The following ATP13A4 variants were observed in gnomAD, a reference collection of about 807,000 sequenced individuals.
ATP13A4 encodes probable cation-transporting ATPase 13A4.
A neutral mutation model predicts 142.5 loss-of-function variants in ATP13A4; 114 were observed. That is an observed-to-expected ratio of 0.80 (90% CI 0.69 to 0.93). The LOEUF is 0.93. ATP13A4 is among the 40% of genes least tolerant of loss of function. The probability of loss-of-function intolerance (pLI) is 0.00; values close to 1 mark genes in which losing one functional copy is unlikely to be tolerated. For missense variants in ATP13A4, 1,392 were observed against 1,454.0 expected (o/e 0.96, Z 0.69); for synonymous variants, 488 against 514.8 (o/e 0.95, Z 0.70).
At chr3:193,408,972 T>A in intron 28 of ATP13A4, among the ~76,000 whole-genome samples, 1 of 152,202 alleles carries the variant, frequency 6.6e-6, no homozygotes, top group Non-Finnish European at 1.5e-5. Context: ...TTTCTACTGT[T>A]TATGTAAAAA....
At chr3:193,439,884 T>C (rs1716520120) in intron 21 of ATP13A4, among the ~76,000 whole-genome samples, 1 of 152,098 alleles carries the variant, frequency 6.6e-6, no homozygotes, top group Non-Finnish European at 1.5e-5. Flanking sequence ...ATCAAATGAA[T>C]AGGAGGGCAG....
At chr3:193,469,067 T>C (rs1022205546) in intron 9 of ATP13A4, among the ~76,000 whole-genome samples, 1 of 152,056 alleles carries the variant, frequency 6.6e-6, no homozygotes, top group East Asian at 1.9e-4. Flanking sequence ...TTATGGATGA[T>C]AATTAAAGTC....
intron 25 of ATP13A4, among the ~76,000 whole-genome samples, chr3:193,425,561 C>T (rs1029624215): frequency 4.0e-5 from 6 of 151,704 alleles, no homozygotes; most frequent in Non-Finnish European, 8.9e-5. Context: ...ATTGCAACAA[C>T]ATAGATGAAG....
At position 193,407,406 on chromosome 3, in the gene ATP13A4, G is replaced by A. The variant is rs778585602; in HGVS notation, c.3298-13C>T. 4 of 1,599,198 alleles carry A rather than the reference G, an allele frequency of 2.5e-6. No individual in the cohort carries two copies. In the African/African-American group the frequency reaches 4.0e-5, roughly 16 times the overall value. ...GAGTGCAGAGCAGCTGGCGGGAGATGATGAAGCACAGTTAGTCTGAAGACA... is the reference window on the plus strand; with the variant it reads ...GAGTGCAGAGCAGCTGGCGGGAGATAATGAAGCACAGTTAGTCTGAAGACA... On this transcript the variant is annotated splice_polypyrimidine_tract_variant and intron_variant, in intron 28 of 29. Coordinates refer to ENST00000342695, the MANE Select transcript of ATP13A4 (RefSeq NM_032279.4).
At chr3:193,428,277 A>T (rs1423381116) in intron 25 of ATP13A4, among the ~76,000 whole-genome samples, 4 of 151,258 alleles carry the variant, frequency 2.6e-5, no homozygotes, top group African/African-American at 7.4e-5. Flanking sequence ...TGATAATTAG[A>T]AAGTCAGGAA....
At chr3:193,471,036 A>G in intron 8 of ATP13A4, 43 bp from the exon 9 acceptor site, 1 of 1,612,342 alleles carries the variant, frequency 6.2e-7, no homozygotes, top group Non-Finnish European at 8.5e-7. Flanking sequence ...TTATTTTCCC[A>G]CAAAAATACA....
chr3:193,439,207 A>T, intron 21 of ATP13A4, 142 bp from the exon 22 acceptor site: 1 of 841,640 alleles, frequency 1.2e-6, no homozygotes, highest in Non-Finnish European at 2.0e-6. Flanking sequence ...GTTTGACTGA[A>T]AAAAGTGTGA....
chr3:193,470,991 C>T lies in ATP13A4; in HGVS notation c.811G>A (p.Gly271Arg). 1 of 1,614,132 alleles carries T rather than the reference C, an allele frequency of 6.2e-7. No homozygotes were observed. The highest frequency in any genetic ancestry group is 2.2e-5 in the East Asian group (1 of 44,874). Residue 271 changes from glycine (G) to arginine (R), a missense_variant and splice_region_variant, in exon 9 of 30, where the codon GGA becomes AGA. Transcript: ENST00000342695. Reference protein sequence around the residue: ...ITVSVCGRKAGVQELESRVLV... With the variant: ...ITVSVCGRKARVQELESRVLV... ...ACGCGTGATTCCAGCTCTTGAACTC[C>T]AGCTGAAAGTGGGAGGAGACAGAGT...
At chr3:193,433,809 T>C in intron 25 of ATP13A4, 36 bp downstream of exon 25, 7 of 1,515,216 alleles carry the variant, frequency 4.6e-6, no homozygotes, top group Non-Finnish European at 6.4e-6. Context: ...CAGCTGAGGG[T>C]AGCACCTCTG....
chr3:193,571,235 C>T (rs926294039), intron 2 of ATP13A4, among the ~76,000 whole-genome samples: 3 of 136,532 alleles, frequency 2.2e-5, no homozygotes, highest in East Asian at 2.1e-4. Flanking sequence ...GCCGAGATTG[C>T]GTTACTGCAC....
At chr3:193,552,407 CA>C (rs1474763082) in intron 1 of ATP13A4, among the ~76,000 whole-genome samples, 2 of 152,244 alleles carry the variant, frequency 1.3e-5, no homozygotes, top group Admixed American at 6.5e-5. Context: ...ATTTCTACCA[CA>C]AGAGAAATTA....
intron 1 of ATP13A4, among the ~76,000 whole-genome samples, chr3:193,534,928 A>T (rs1037982366): frequency 1.3e-5 from 2 of 151,784 alleles, no homozygotes; most frequent in African/African-American, 2.4e-5. Context: ...GAAGCATAAT[A>T]GTCAAATCTG....
At chr3:193,441,424 T>A in intron 20 of ATP13A4, 42 bp downstream of exon 20, 1 of 1,610,650 alleles carries the variant, frequency 6.2e-7, no homozygotes. Flanking sequence ...AGTGACATCA[T>A]CAGCATTTTC....
At chr3:193,592,313 G>T (rs1724839229) in intron 1 of ATP13A4, among the ~76,000 whole-genome samples, 1 of 152,176 alleles carries the variant, frequency 6.6e-6, no homozygotes, top group African/African-American at 2.4e-5. Flanking sequence ...AAGGGGAAAG[G>T]AGTATTTAAA....
intron 16 of ATP13A4, among the ~76,000 whole-genome samples, chr3:193,456,062 G>A (rs999237184): frequency 1.3e-5 from 2 of 152,052 alleles, no homozygotes; most frequent in Non-Finnish European, 2.9e-5. Context: ...GAAAAATAAC[G>A]AATGGGTACT....
upstream of ATP13A4, among the ~76,000 whole-genome samples, chr3:193,558,569 G>A (rs1422618425): frequency 6.6e-6 from 1 of 152,138 alleles, no homozygotes; most frequent in Non-Finnish European, 1.5e-5. Context: ...CACATAATAT[G>A]CTAATTACAC....
intron 2 of ATP13A4, among the ~76,000 whole-genome samples, chr3:193,508,043 C>T (rs539336135): frequency 6.6e-6 from 1 of 152,194 alleles, no homozygotes; most frequent in South Asian, 2.1e-4. Flanking sequence ...TCCAAAAGGA[C>T]TAATGTCCAT....
intron 1 of ATP13A4, among the ~76,000 whole-genome samples, chr3:193,541,207 C>A (rs1295744051): frequency 7.0e-6 from 1 of 142,734 alleles, no homozygotes; most frequent in African/African-American, 2.6e-5. Flanking sequence ...CGAGATCGAG[C>A]CACTGCACTC....
intron 25 of ATP13A4, among the ~76,000 whole-genome samples, chr3:193,426,772 G>A (rs1715688679): frequency 6.6e-6 from 1 of 151,966 alleles, no homozygotes; most frequent in African/African-American, 2.4e-5. Context: ...AACAAGCTGG[G>A]ACAACCAGAT....
Sources: allele counts gnomAD v4.1 joint callset (sites outside exome capture counted in the v4.1 genomes callset), GRCh38; gene constraint gnomAD v4.1.1; transcripts MANE v1.5; gene names NCBI Gene and HGNC (gene_info 2026-07-23, HGNC 2026-07-21).